GCN1: variants seen among roughly 807,000 people sequenced by gnomAD.
GCN1 encodes the protein GCN1 activator of EIF2AK4, also known as stalled ribosome sensor GCN1.
A neutral mutation model predicts 288.4 loss-of-function variants in GCN1; 90 were observed. That is an observed-to-expected ratio of 0.31 (90% CI 0.26 to 0.37). The LOEUF (loss-of-function observed/expected upper bound fraction) is 0.37. GCN1 is among the 10% of genes least tolerant of loss of function. GCN1 has a pLI of 1.00. For synonymous variants in GCN1, 1,386 were observed against 1,420.2 expected (o/e 0.98, Z 0.54); for missense variants, 2,586 against 3,419.9 (o/e 0.76, Z 6.08).
chr12:120,128,093 T>A, intron 57 of GCN1, 119 bp from the exon 58 acceptor site: 1 of 1,022,916 alleles, frequency 9.8e-7, no homozygotes, highest in Non-Finnish European at 1.5e-6. Context: ...AGGTGGACTC[T>A]GGCAAAATAA....
At chr12:120,166,379 G>A (rs1222109591) in intron 16 of GCN1, among the ~76,000 whole-genome samples, 1 of 144,020 alleles carries the variant, frequency 6.9e-6, no homozygotes, top group African/African-American at 2.6e-5. Context: ...ACTCCAGCCT[G>A]GGCAACAGAG....
chr12:120,186,263 T>C (rs909345222), intron 2 of GCN1, among the ~76,000 whole-genome samples: 1 of 151,822 alleles, frequency 6.6e-6, no homozygotes, highest in Non-Finnish European at 1.5e-5. Context: ...CACCTAAGCC[T>C]GGGAGATTGA....
In GCN1 at chr12:120,142,899, G is replaced by A. The variant is rs1877244285; in HGVS notation, c.5538C>T (p.Ile1846=). The change falls in exon 43 of 58, where the codon ATC becomes ATT. Residue 1846 remains isoleucine (I), a synonymous_variant. Coordinates refer to ENST00000300648, the MANE Select transcript of GCN1 (RefSeq NM_006836.2). This position sits in a 1 kb window ranked among gnomAD's most constrained non-coding sequence, Gnocchi z 4.9. ...TGGTCATCTTCCCAGTGACTCCTGA[G>A]ATGTGAAACAGGAGATCCCCAAGGA... ...VQLLGDLLFH[I]SGVTGKMTTE... 1 of 1,613,522 alleles carries A rather than the reference G, an allele frequency of 6.2e-7. No individual in the cohort carries two copies. Among genetic ancestry groups the A allele is most frequent in the Admixed American group, 1.7e-5 (1 of 60,010 alleles).
chr12:120,133,374 A>G (rs1319348309), intron 53 of GCN1, among the ~76,000 whole-genome samples: 3 of 152,216 alleles, frequency 2.0e-5, no homozygotes, highest in African/African-American at 7.2e-5. Context: ...CAGTGCTCGC[A>G]GCCAAATATT....
intron 16 of GCN1, among the ~76,000 whole-genome samples, chr12:120,167,860 T>C (rs1288799508): frequency 1.3e-5 from 2 of 152,140 alleles, no homozygotes; most frequent in African/African-American, 4.8e-5. Flanking sequence ...TTTGTGTCTC[T>C]TGGTGGGGGA....
At chr12:120,157,179 A>C in intron 26 of GCN1, 187 bp from the exon 27 acceptor site, 1 of 497,808 alleles carries the variant, frequency 2.0e-6, no homozygotes, top group Non-Finnish European at 3.6e-6. Context: ...CATGATCCTC[A>C]GGAACTAAAA....
At chr12:120,149,262 C>G (rs767465263) in intron 36 of GCN1, among the ~76,000 whole-genome samples, 1 of 152,118 alleles carries the variant, frequency 6.6e-6, no homozygotes, top group Non-Finnish European at 1.5e-5. Context: ...TGACTCACAC[C>G]TGCAATCCCA....
In GCN1 at chr12:120,144,286, C is replaced by T. The variant is rs117857610; in HGVS notation, c.5495+20G>A. On this transcript the variant is annotated intron_variant, in intron 42 of 57. Coordinates refer to ENST00000300648, the MANE Select transcript of GCN1 (RefSeq NM_006836.2). This position sits in a 1 kb window ranked among gnomAD's most constrained non-coding sequence, Gnocchi z 4.7. ...CCACCACGCATCATCCCCACTGGGT[C>T]TTTCTGCCCAAGTTCTCACCTGATT... The T allele has an allele frequency of 1.2e-3, 1,909 of 1,614,096 alleles. 16 individuals carry two copies. In the East Asian group the frequency reaches 0.025, roughly 21 times the overall value.
intron 33 of GCN1, 85 bp from the exon 34 acceptor site, chr12:120,151,476 C>CCCA: frequency 7.1e-7 from 1 of 1,402,988 alleles, no homozygotes; most frequent in Non-Finnish European, 9.8e-7. Flanking sequence ...CTACACAGCA[C>CCCA]CCACCACTAG....
chr12:120,150,412 T>G (rs926865025), intron 34 of GCN1, among the ~76,000 whole-genome samples: 1 of 140,732 alleles, frequency 7.1e-6, no homozygotes, highest in Non-Finnish European at 1.6e-5. Context: ...TTGGCCAACA[T>G]GGTGAAACCC....
rs377588887 is a variant in GCN1 at position 120,150,936 on chromosome 12, CA to C, written c.4309+208del. 5.2e-3 allele frequency among the ~76,000 whole-genome samples: 610 copies of C among 116,808 alleles called. 1 individual carries two copies. Among genetic ancestry groups the C allele is most frequent in the Non-Finnish European group, 9.1e-3 (502 of 54,948 alleles). 76.6% of individuals were successfully genotyped at this position (116,808 alleles called of 152,430 possible). A position where few individuals can be genotyped will look rare whatever the true frequency, so the allele number is the denominator to read the frequency against. ...TGGGCGACAGAGCGAGACTCCGTCT[CA>C]AAAAAAAAAAACAGAAAAGAAAAAA... is the stretch of plus-strand genomic sequence containing the variant. On this transcript the variant is annotated intron_variant, in intron 34 of 57. Transcript: ENST00000300648.
At position 120,180,277 on chromosome 12, in the gene GCN1, T is replaced by C. The variant is rs141385210; in HGVS notation, c.427-1327A>G. Among the ~76,000 whole-genome samples, 578 of 151,456 alleles carry C rather than the reference T, an allele frequency of 3.8e-3. 4 individuals carry two copies. The highest frequency in any genetic ancestry group is 0.013 in the African/African-American group (534 of 41,200). The stretch of plus-strand genomic sequence containing the variant: ...AGGCAGAGGTTGCGGTGAGCCGAGA[T>C]CACGCCTTTGTACTCCAGCCTGGGC... On this transcript the variant is annotated intron_variant, in intron 5 of 57. Coordinates refer to ENST00000300648, the MANE Select transcript of GCN1 (RefSeq NM_006836.2).
Position 120,137,566 on chromosome 12 carries a change from A to T in GCN1, c.6642T>A (p.Asp2214Glu). Residue 2214 changes from aspartate to glutamate, a missense_variant, in exon 49 of 58, where the codon GAT becomes GAA. Physicochemically the swap from Asp to Glu is conservative, Grantham distance 45 (BLOSUM62 2). Coordinates refer to ENST00000300648, the MANE Select transcript of GCN1 (RefSeq NM_006836.2). This position sits in a 1 kb window ranked among gnomAD's most constrained non-coding sequence, Gnocchi z 5.2. ...TCACCTTAGTGATGGCATTTAGGGC[A>T]TCCCAGCTCTCCTCCAGAACCACAG... ...SSPVVLEESW[D>E]ALNAITKKLD... 1 of 1,614,176 alleles carries T rather than the reference A, an allele frequency of 6.2e-7. No homozygotes were observed. Among genetic ancestry groups the T allele is most frequent in the Non-Finnish European group, 8.5e-7 (1 of 1,180,006 alleles).
chr12:120,131,099 A>T, intron 55 of GCN1, 86 bp downstream of exon 55: 1 of 1,225,494 alleles, frequency 8.2e-7, no homozygotes, highest in Non-Finnish European at 1.2e-6. Context: ...CTTAAGCCCC[A>T]GTCTGGGGTC....
intron 1 of GCN1, among the ~76,000 whole-genome samples, chr12:120,191,447 G>A (rs1320986849): frequency 2.6e-5 from 4 of 152,226 alleles, no homozygotes; most frequent in South Asian, 4.1e-4. Context: ...ACAGGTTGTG[G>A]ATTCATAAGC....
In GCN1 at chr12:120,137,424, C is replaced by G; in HGVS notation, c.6664-105G>C. The G allele has an allele frequency of 7.1e-7, 1 of 1,402,692 alleles. No homozygotes were observed. The allele number at this position is 1,402,692 out of a possible 1,614,324, so 86.9% of individuals were successfully genotyped here. On this transcript the variant is annotated intron_variant, in intron 49 of 57. Coordinates refer to ENST00000300648, the MANE Select transcript of GCN1 (RefSeq NM_006836.2). This position sits in a 1 kb window ranked among gnomAD's most constrained non-coding sequence, Gnocchi z 5.2. The stretch of plus-strand genomic sequence containing the variant: ...GCGGGAGTATAAACAAGACTTGCCA[C>G]GAGTGGGTAAACGCCGAAGCTGAGT...
rs1877650692 is a variant in GCN1, at chr12:120,153,816, G to C, written c.3795C>G (p.Leu1265=). The part of the protein sequence containing the change: ...PLFQFFVPDA[L]NDRHPDVRKC... ...TCCGGACATCTGGGTGTCGGTCATT[G>C]AGGGCATCAGGGACAAAAAACTGAA... is the stretch of plus-strand genomic sequence containing the variant. The change falls in exon 32 of 58, where the codon CTC becomes CTG. Residue 1265 remains leucine (L), a synonymous_variant. Transcript: ENST00000300648. This position sits in a 1 kb window ranked among gnomAD's most constrained non-coding sequence, Gnocchi z 4.4. The C allele has an allele frequency of 6.2e-7, 1 of 1,613,958 alleles. No individual in the cohort carries two copies. The highest frequency in any genetic ancestry group is 1.3e-5 in the African/African-American group (1 of 74,948).
intron 3 of GCN1, among the ~76,000 whole-genome samples, chr12:120,184,473 C>T (rs931145531): frequency 6.6e-6 from 1 of 152,230 alleles, no homozygotes; most frequent in Admixed American, 6.5e-5. Flanking sequence ...GCAGCACCTA[C>T]ATTTATGGAG....
Position 120,129,304 on chromosome 12 carries a change from T to G in GCN1, c.7862A>C (p.Lys2621Thr). 1 of 1,614,096 alleles carries G rather than the reference T, an allele frequency of 6.2e-7. No individual in the cohort carries two copies. Among genetic ancestry groups the G allele is most frequent in the Non-Finnish European group, 8.5e-7 (1 of 1,179,962 alleles). The change falls in exon 57 of 58, where the codon AAG becomes ACG. Residue 2621 changes from lysine to threonine, a missense_variant. Coordinates refer to ENST00000300648, the MANE Select transcript of GCN1 (RefSeq NM_006836.2). ...YSDQAIVNLL[K>T]MRQGEEVFQS... The stretch of plus-strand genomic sequence containing the variant: ...AAACACCTCTTCACCCTGCCGCATC[T>G]TGAGGAGGTTGACAATTGCCTGGTC...
Sources: gnomAD v4.1 joint callset for allele counts (sites outside exome capture counted in the v4.1 genomes callset) on GRCh38, gnomAD v4.1.1 for gene constraint, Gnocchi (gnomAD v3.1) non-coding constraint, MANE v1.5 for transcripts, NCBI Gene and HGNC (gene_info 2026-07-23, HGNC 2026-07-21) for gene names.